CUL4A: variants seen among roughly 807,000 people sequenced by gnomAD.
CUL4A encodes the protein cullin-4A.
Under a neutral mutation model 95.5 loss-of-function variants are expected in CUL4A, and 16 were observed. That is an observed-to-expected ratio of 0.17 (90% CI 0.11 to 0.25). The LOEUF (loss-of-function observed/expected upper bound fraction) is 0.25, where lower values mean the gene tolerates loss of function less well. CUL4A is among the 10% of genes least tolerant of loss of function. CUL4A has a pLI of 1.00. For missense variants in CUL4A, 610 were observed against 937.0 expected, an observed-to-expected ratio of 0.65 and a Z score of 4.56; for synonymous variants, 380 against 353.1, an observed-to-expected ratio of 1.08 and a Z score of -0.85.
At chr13:113,221,856 G>A (rs147431611) in intron 3 of CUL4A, among the ~76,000 whole-genome samples, 1,784 of 152,316 alleles carry the variant, frequency 0.012, 18 homozygotes, top group Non-Finnish European at 0.016. Context: ...GATTACAGGC[G>A]TGAGCCACCG....
chr13:113,228,079 C>T (rs1178018696), intron 4 of CUL4A, 34 bp downstream of exon 4: 12 of 1,479,434 alleles, frequency 8.1e-6, no homozygotes, highest in Non-Finnish European at 1.1e-5. Flanking sequence ...AAAACACGAC[C>T]TCATCCATCT....
intron 3 of CUL4A, among the ~76,000 whole-genome samples, chr13:113,221,550 G>GT (rs927827319): frequency 7.3e-5 from 11 of 151,724 alleles, no homozygotes; most frequent in Admixed American, 4.6e-4. Context: ...TGTGATAAGG[G>GT]TTTTTTTTGT....
intron 16 of CUL4A, among the ~76,000 whole-genome samples, chr13:113,254,364 C>T (rs573719951): frequency 5.7e-4 from 86 of 152,198 alleles, no homozygotes; most frequent in African/African-American, 2.0e-3. Flanking sequence ...CTGGGGAGGC[C>T]GAGGTGGGTG....
At chr13:113,219,354 G>T (rs1320628969) in intron 3 of CUL4A, 1 of 243,340 alleles carries the variant, frequency 4.1e-6, no homozygotes, top group Non-Finnish European at 8.0e-6. Flanking sequence ...TCTGTGATAG[G>T]CAACAAAGTC....
chr13:113,255,345 C>T (rs1262251056), intron 18 of CUL4A, among the ~76,000 whole-genome samples: 7 of 152,094 alleles, frequency 4.6e-5, no homozygotes, highest in Non-Finnish European at 2.9e-5. Flanking sequence ...AATGTTATTC[C>T]TATTCACAAA....
upstream of CUL4A, chr13:113,209,612 C>G (rs2040267993): frequency 3.9e-6 from 4 of 1,032,150 alleles, no homozygotes; most frequent in Non-Finnish European, 4.6e-6. Flanking sequence ...CGGGGCGCGG[C>G]GGTTCCGGCC....
chr13:113,237,033 T>C (rs2041567634), intron 9 of CUL4A, 143 bp downstream of exon 9: 1 of 603,314 alleles, frequency 1.7e-6, no homozygotes. Context: ...CTAATGAACA[T>C]GTTAGCCATC....
rs2042400930 is a variant in CUL4A at position 113,266,677 on chromosome 13, C to T, written c.*3095C>T. On this transcript the variant is annotated 3_prime_UTR_variant, in exon 20 of 20. Coordinates refer to ENST00000375440, the MANE Select transcript of CUL4A (RefSeq NM_001008895.4). ...CCAAATACACAGGAACTCGGCGTGG[C>T]ACAAAGGGGCCGTGTGTGATCAGGA... The T allele has an allele frequency of 6.6e-6, 1 of 152,154 alleles. No homozygotes were observed. The highest frequency in any genetic ancestry group is 1.5e-5 in the Non-Finnish European group (1 of 68,032). The allele number at this position is 152,154 out of a possible 1,614,324, so 9.4% of individuals were successfully genotyped here.
chr13:113,209,063 C>A (rs182048963), upstream of CUL4A: 1 of 228,946 alleles, frequency 4.4e-6, no homozygotes, highest in Non-Finnish European at 7.0e-6. Flanking sequence ...AGGGACATGG[C>A]GCGCGCTCCC....
chr13:113,231,916 C>A (rs992640513), intron 5 of CUL4A, among the ~76,000 whole-genome samples: 1 of 152,086 alleles, frequency 6.6e-6, no homozygotes, highest in East Asian at 1.9e-4. Flanking sequence ...CTCTGCACAC[C>A]TGTGTGGCAC....
rs2041451587 is a variant in CUL4A, at chr13:113,233,965, A to C, written c.744A>C (p.Gln248His). 6.2e-7 allele frequency: 1 copy of C among 1,611,296 alleles called. No individual in the cohort carries two copies. The highest frequency in any genetic ancestry group is 8.5e-7 in the Non-Finnish European group (1 of 1,178,022). ...ETNCLYAAEG[Q>H]RLMQEREVPE... ...ATTGCTTATATGCTGCCGAAGGCCAAAGGTTAATGCAGGAAAGAGAGGTGA... is the reference window on the plus strand; with the variant it reads ...ATTGCTTATATGCTGCCGAAGGCCACAGGTTAATGCAGGAAAGAGAGGTGA... The change falls in exon 7 of 20, where the codon CAA (glutamine) becomes CAC (histidine). Residue 248 changes from glutamine to histidine, a missense_variant. Physicochemically the swap from Gln to His is conservative, Grantham distance 24 (BLOSUM62 0). Around this residue, in one of 10 missense-constraint regions of CUL4A, gnomAD observed 153 missense variants for 244.5 expected, o/e 0.63. Transcript: ENST00000375440.
chr13:113,223,379 A>G (rs1020582881), intron 3 of CUL4A, among the ~76,000 whole-genome samples: 7 of 151,720 alleles, frequency 4.6e-5, no homozygotes, highest in African/African-American at 1.7e-4. Flanking sequence ...ACTTTCTAAG[A>G]TTTAAGTAAT....
intron 14 of CUL4A, 62 bp from the exon 15 acceptor site, chr13:113,245,893 GT>G (rs1401334447): frequency 6.7e-6 from 8 of 1,192,704 alleles, no homozygotes; most frequent in Non-Finnish European, 9.7e-6. Context: ...GGTTTATTTT[GT>G]TTTAGGTTAA....
At chr13:113,239,868 A>G (rs1258344837) in intron 10 of CUL4A, among the ~76,000 whole-genome samples, 1 of 152,190 alleles carries the variant, frequency 6.6e-6, no homozygotes, top group Non-Finnish European at 1.5e-5. Context: ...TCCTAAAGTA[A>G]TCATTTTTGT....
At chr13:113,231,547 A>G (rs1224732207) in intron 5 of CUL4A, among the ~76,000 whole-genome samples, 2 of 152,164 alleles carry the variant, frequency 1.3e-5, no homozygotes, top group African/African-American at 2.4e-5. Context: ...AGAGAGTCAC[A>G]CAAGTGGAGA....
upstream of CUL4A, chr13:113,208,647 G>A (rs998848353): frequency 1.9e-6 from 3 of 1,604,976 alleles, no homozygotes; most frequent in Admixed American, 1.7e-5. Flanking sequence ...GAGCGCCGCC[G>A]AACGGAGAGC....
chr13:113,250,044 C>T (rs1348881627), intron 15 of CUL4A, among the ~76,000 whole-genome samples: 1 of 152,136 alleles, frequency 6.6e-6, no homozygotes, highest in Non-Finnish European at 1.5e-5. Flanking sequence ...TGTGGGCTAT[C>T]TTTTTACTTT....
At chr13:113,226,096 G>C (rs569678441) in intron 3 of CUL4A, among the ~76,000 whole-genome samples, 2 of 152,136 alleles carry the variant, frequency 1.3e-5, no homozygotes, top group Admixed American at 6.5e-5. Context: ...TTCCTCCTCA[G>C]GCTCTGCCTG....
intron 18 of CUL4A, 132 bp downstream of exon 18, chr13:113,255,257 A>G (rs1169182847): frequency 1.7e-6 from 1 of 588,476 alleles, no homozygotes. Context: ...TGTAATGTTT[A>G]TAAGAGTACT....
Sources: gnomAD v4.1 joint callset for allele counts (sites outside exome capture counted in the v4.1 genomes callset) on GRCh38, gnomAD v4.1.1 for gene constraint, gnomAD v4.1.1 regional missense constraint, MANE v1.5 for transcripts, NCBI Gene and HGNC (gene_info 2026-07-23, HGNC 2026-07-21) for gene names.